ARFGAP3: variants seen among roughly 807,000 people sequenced by gnomAD.
ARFGAP3 encodes ADP-ribosylation factor GTPase-activating protein 3.
A neutral mutation model predicts 75.0 loss-of-function variants in ARFGAP3; 72 were observed. That is an observed-to-expected ratio of 0.96 (90% confidence interval 0.79 to 1.17). The LOEUF is 1.17. Ranked by LOEUF, ARFGAP3 falls within the 50% of genes most tolerant of loss-of-function variation. ARFGAP3 has a pLI of 0.00. For missense variants in ARFGAP3, 620 were observed against 626.6 expected (o/e 0.99, Z 0.11); for synonymous variants, 221 against 217.9 (o/e 1.01, Z -0.13).
rs760813352 is a variant in ARFGAP3 at position 42,823,655 on chromosome 22, C to T, written c.672+1G>A. 11 of 1,564,290 alleles carry T rather than the reference C, an allele frequency of 7.0e-6. No homozygotes were observed. Among genetic ancestry groups the T allele is most frequent in the South Asian group, 2.4e-5 (2 of 84,170 alleles). On this transcript the variant is annotated splice_donor_variant, in intron 8 of 15. Coordinates refer to ENST00000263245, the MANE Select transcript of ARFGAP3 (RefSeq NM_014570.5). LOFTEE classifies it high-confidence loss of function. ...TTATATATAAAGTACATAATACTCA[C>T]GCCTTTTTTAGCTTGATTTGGTTTC...
intron 2 of ARFGAP3, among the ~76,000 whole-genome samples, chr22:42,845,252 C>T (rs991993639): frequency 6.7e-6 from 1 of 149,322 alleles, no homozygotes; most frequent in Non-Finnish European, 1.5e-5. Context: ...ACATTAAAAA[C>T]AAGCTTTAGC....
Position 42,831,636 on chromosome 22 carries a change from C to G in ARFGAP3, c.478G>C (p.Val160Leu). The change falls in exon 6 of 16, where the codon GTG (valine) becomes CTG (leucine). Residue 160 changes from valine to leucine, a missense_variant and splice_region_variant. Physicochemically the swap from Val to Leu is conservative, Grantham distance 32 (BLOSUM62 1). Coordinates refer to ENST00000263245, the MANE Select transcript of ARFGAP3 (RefSeq NM_014570.5). ...DFFASHVSPE[V>L]SDTAWASAIA... ...GCTGATGCCCACGCTGTGTCACTCA[C>G]CTGAAACAAGGCGAGAAAAGTCATT... The G allele has an allele frequency of 6.2e-7, 1 of 1,614,002 alleles. No individual in the cohort carries two copies. The highest frequency in any genetic ancestry group is 8.5e-7 in the Non-Finnish European group (1 of 1,179,974).
At position 42,847,582 on chromosome 22, in the gene ARFGAP3, A is replaced by G. The variant is rs1479730501; in HGVS notation, c.120T>C (p.Tyr40=). The change falls in exon 2 of 16, where the codon TAT becomes TAC. Residue 40 remains tyrosine (Y), a synonymous_variant. Coordinates refer to ENST00000263245, the MANE Select transcript of ARFGAP3 (RefSeq NM_014570.5). ...AKNPSWASIT[Y]GVFLCIDCSG... is the part of the protein sequence containing the mutation. ...AGCAATCAATGCAAAGGAACACTCC[A>G]TAGGTTATGCTTGCCCAGCTGGGAT... is the stretch of plus-strand genomic sequence containing the variant. 6.2e-7 allele frequency: 1 copy of G among 1,613,818 alleles called. No individual in the cohort carries two copies. The highest frequency in any genetic ancestry group is 8.5e-7 in the Non-Finnish European group (1 of 1,179,878).
intron 11 of ARFGAP3, 111 bp downstream of exon 11, chr22:42,817,002 CAGCTCTGGCTCCAGCCAGAGCTTTTAAAA>C: frequency 1.9e-5 from 11 of 571,472 alleles, no homozygotes; most frequent in Non-Finnish European, 3.3e-5. Flanking sequence ...CTCCAAAGAA[CAGCTCTGGCTCCAGCCAGAGCTTTTAAAA>C]ACAGTGAAGT....
chr22:42,855,015 T>C (rs1000099782), intron 1 of ARFGAP3, among the ~76,000 whole-genome samples: 9 of 152,204 alleles, frequency 5.9e-5, no homozygotes, highest in African/African-American at 2.2e-4. Context: ...TTGAAGACTA[T>C]TATATGCAGT....
intron 4 of ARFGAP3, among the ~76,000 whole-genome samples, chr22:42,834,817 G>A (rs528454514): frequency 6.6e-6 from 1 of 152,274 alleles, no homozygotes; most frequent in South Asian, 2.1e-4. Flanking sequence ...CATAACAAAT[G>A]TCCTTTCTGC....
At chr22:42,851,693 G>A (rs185731159) in intron 1 of ARFGAP3, among the ~76,000 whole-genome samples, 20 of 152,350 alleles carry the variant, frequency 1.3e-4, no homozygotes, top group Admixed American at 1.0e-3. Context: ...CAGGGACTGC[G>A]CTTTGATTTG....
chr22:42,826,727 T>C (rs1471026333), intron 7 of ARFGAP3, among the ~76,000 whole-genome samples: 1 of 152,132 alleles, frequency 6.6e-6, no homozygotes, highest in Non-Finnish European at 1.5e-5. Context: ...ATTATCAAGC[T>C]GGTTAAAATG....
At chr22:42,808,034 A>G (rs1382510052) in intron 13 of ARFGAP3, among the ~76,000 whole-genome samples, 1 of 151,860 alleles carries the variant, frequency 6.6e-6, no homozygotes, top group East Asian at 1.9e-4. Flanking sequence ...TGTGAGCCAC[A>G]GTGCCTGGCC....
In ARFGAP3 at chr22:42,815,059, C is replaced by T. The variant is rs141043324; in HGVS notation, c.1064+2083G>A. Among the ~76,000 whole-genome samples, 6 of 152,246 alleles carry T rather than the reference C, an allele frequency of 3.9e-5. No homozygotes were observed. In the East Asian group the frequency reaches 1.2e-3, roughly 29 times the overall value. On this transcript the variant is annotated intron_variant, in intron 11 of 15. Coordinates refer to ENST00000263245, the MANE Select transcript of ARFGAP3 (RefSeq NM_014570.5). ...AGCCTAAACTTTCTTTACCTTCCTA[C>T]ACTATCATCTGCAGAAGTTGCTAAT...
intron 2 of ARFGAP3, among the ~76,000 whole-genome samples, chr22:42,845,221 G>T (rs1316147241): frequency 6.6e-6 from 1 of 150,770 alleles, no homozygotes; most frequent in Non-Finnish European, 1.5e-5. Flanking sequence ...AACTGGTAAT[G>T]ATCAATCTGG....
intron 14 of ARFGAP3, among the ~76,000 whole-genome samples, chr22:42,805,975 A>G (rs1190129799): frequency 1.3e-5 from 2 of 152,174 alleles, no homozygotes; most frequent in African/African-American, 4.8e-5. Flanking sequence ...GTGTCTCTAT[A>G]ACATCCCCAA....
At chr22:42,805,739 G>A (rs1381156098) in intron 14 of ARFGAP3, among the ~76,000 whole-genome samples, 1 of 152,208 alleles carries the variant, frequency 6.6e-6, no homozygotes, top group East Asian at 1.9e-4. Context: ...CAGGGGAGCC[G>A]TGGCCCTGGC....
Position 42,823,739 on chromosome 22 carries a change from GAAAT to G in ARFGAP3, c.626-41_626-38del, listed in dbSNP as rs746425545. On this transcript the variant is annotated intron_variant, in intron 7 of 15. Coordinates refer to ENST00000263245, the MANE Select transcript of ARFGAP3 (RefSeq NM_014570.5). ...TAAAAATTAAAAAGTAAGACCAATA[GAAAT>G]AATTTTTCTTTTTTAGTGTGTCTTT... 6.9e-5 allele frequency: 102 copies of G among 1,477,182 alleles called. No homozygotes were observed. The Middle Eastern group carries it at 1.5e-3, about 21-fold the overall frequency. 91.5% of individuals were successfully genotyped at this position (1,477,182 alleles called of 1,614,324 possible).
rs1174921257 is a variant in ARFGAP3 at position 42,807,126 on chromosome 22, C to T, written c.1358G>A (p.Ser453Asn). 2 of 1,612,926 alleles carry T rather than the reference C, an allele frequency of 1.2e-6. No individual in the cohort carries two copies. The highest frequency in any genetic ancestry group is 1.7e-6 in the Non-Finnish European group (2 of 1,179,608). Residue 453 changes from serine to asparagine, a missense_variant, in exon 14 of 16, where the codon AGT becomes AAT. By Grantham distance (46) the Ser-to-Asn change is conservative. Coordinates refer to ENST00000263245, the MANE Select transcript of ARFGAP3 (RefSeq NM_014570.5). ...TRARLERLSA[S>N]SSISSADLFE... ...CAGATCAGCCGAGCTTATGGAGGAA[C>T]TTGCCGACAGCCTCTCTAGGCGGGC...
At chr22:42,809,284 C>T (rs759518190) in intron 12 of ARFGAP3, among the ~76,000 whole-genome samples, 5 of 152,126 alleles carry the variant, frequency 3.3e-5, no homozygotes, top group Non-Finnish European at 5.9e-5. Context: ...ATTAGTAGTA[C>T]CCCCTTGCAC....
At chr22:42,797,776 T>A (rs1924670176) in intron 15 of ARFGAP3, 171 bp from the exon 16 acceptor site, 6 of 983,336 alleles carry the variant, frequency 6.1e-6, no homozygotes, top group Admixed American at 1.2e-4. Context: ...TGCTGCAGCT[T>A]CAAGGCTGAG....
At chr22:42,815,255 T>C (rs1183288820) in intron 11 of ARFGAP3, among the ~76,000 whole-genome samples, 2 of 152,328 alleles carry the variant, frequency 1.3e-5, no homozygotes, top group Non-Finnish European at 1.5e-5. Context: ...TTTTACTCTG[T>C]GTAAAATCTA....
intron 1 of ARFGAP3, among the ~76,000 whole-genome samples, chr22:42,848,908 T>A (rs1172128341): frequency 1.3e-5 from 2 of 152,208 alleles, no homozygotes; most frequent in African/African-American, 4.8e-5. Flanking sequence ...GGGTTACAAA[T>A]GACACTATGG....
Sources: gnomAD v4.1 joint callset for allele counts (sites outside exome capture counted in the v4.1 genomes callset) on GRCh38, gnomAD v4.1.1 for gene constraint, MANE v1.5 for transcripts, NCBI Gene and HGNC (gene_info 2026-07-23, HGNC 2026-07-21) for gene names.